Variants in CC2D2B observed in about 807,000 individuals in gnomAD.
CC2D2B encodes the protein protein CC2D2B.
A neutral mutation model predicts 161.2 loss-of-function variants in CC2D2B; 128 were observed. The observed-to-expected ratio is 0.79, with a 90% confidence interval of 0.69 to 0.92. The LOEUF is 0.92. CC2D2B is among the 40% of genes least tolerant of loss of function. CC2D2B has a pLI of 0.00. For missense variants in CC2D2B, 1,173 were observed against 1,375.1 expected (o/e 0.85, Z 2.32); for synonymous variants, 391 against 449.8 (o/e 0.87, Z 1.65).
chr10:95,919,828 G>C (rs2098523265), intron 2 of CC2D2B: 1 of 151,816 alleles, frequency 6.6e-6, no homozygotes, highest in Non-Finnish European at 1.5e-5. Context: ...TTAGGAATTT[G>C]TTTGGTGCTT....
intron 9 of CC2D2B, among the ~76,000 whole-genome samples, chr10:95,947,115 T>TATATATATATA (rs1564609188): frequency 5.3e-4 from 14 of 26,202 alleles, no homozygotes; most frequent in Admixed American, 1.4e-3. Context: ...ATATATATAT[T>TATATATATATA]TTTTTTTTTT....
intron 10 of CC2D2B, among the ~76,000 whole-genome samples, chr10:95,954,057 G>A (rs1172095602): frequency 6.6e-6 from 1 of 152,146 alleles, no homozygotes; most frequent in Non-Finnish European, 1.5e-5. Flanking sequence ...CATGGAAAAT[G>A]ATTGAGCAAT....
In CC2D2B at chr10:96,033,663, T is replaced by C. The variant is rs988283611; in HGVS notation, c.*1655T>C. Among the ~76,000 whole-genome samples the C allele has an allele frequency of 1.3e-5, 2 of 152,214 alleles. No individual in the cohort carries two copies. The highest frequency in any genetic ancestry group is 2.4e-5 in the African/African-American group (1 of 41,458). On this transcript the variant is annotated 3_prime_UTR_variant, in exon 35 of 35. Coordinates refer to ENST00000646931, the MANE Select transcript of CC2D2B (RefSeq NM_001349008.3). ...TTAAGAGTAGGGTAGCAAGTGTTCA[T>C]AGGAAAGCATGGAGGACCTTTTTAT...
chr10:95,927,965 C>G (rs749356701), intron 6 of CC2D2B, among the ~76,000 whole-genome samples: 2 of 152,102 alleles, frequency 1.3e-5, no homozygotes, highest in Admixed American at 6.6e-5. Flanking sequence ...TGTTCCTGGA[C>G]ACTTTCTTCA....
intron 19 of CC2D2B, among the ~76,000 whole-genome samples, chr10:95,987,422 T>C (rs1224827652): frequency 1.3e-5 from 2 of 152,204 alleles, no homozygotes; most frequent in African/African-American, 4.8e-5. Context: ...GGATTTCTTA[T>C]GGATAATTAG....
intron 6 of CC2D2B, among the ~76,000 whole-genome samples, chr10:95,930,018 T>C (rs1466217730): frequency 1.3e-5 from 2 of 152,254 alleles, no homozygotes; most frequent in African/African-American, 2.4e-5. Flanking sequence ...TGATTCTTCC[T>C]ATCCATGAGC....
chr10:95,983,799 T>C lies in CC2D2B; in HGVS notation c.2276T>C (p.Leu759Ser). The C allele has an allele frequency of 8.2e-7, 1 of 1,223,260 alleles. No homozygotes were observed. 75.8% of individuals were successfully genotyped at this position (1,223,260 alleles called of 1,614,324 possible). ...CTCCATGATACAGAGATTCCAGATT[T>C]AGTCTTCCAGGTATTTGGTTTCTAT... ...MPLHDTEIPD[L>S]VFQEYESQKE... The change falls in exon 19 of 35, where the codon TTA (leucine) becomes TCA (serine). Residue 759 changes from leucine to serine, a missense_variant. Leu to Ser is a moderately radical substitution (Grantham distance 145). This residue lies in a region of CC2D2B where 277 missense variants were observed against 420.6 expected (regional missense o/e 0.66). Coordinates refer to ENST00000646931, the MANE Select transcript of CC2D2B (RefSeq NM_001349008.3).
At chr10:96,016,096 T>G in intron 29 of CC2D2B, 105 bp from the exon 30 acceptor site, 1 of 707,952 alleles carries the variant, frequency 1.4e-6, no homozygotes, top group Non-Finnish European at 2.4e-6. Flanking sequence ...TAAATGTGTT[T>G]GGAACTGGAG....
At chr10:95,954,147 A>G (rs1344027120) in intron 10 of CC2D2B, among the ~76,000 whole-genome samples, 4 of 152,188 alleles carry the variant, frequency 2.6e-5, no homozygotes, top group Non-Finnish European at 5.9e-5. Context: ...CCAAAATTAT[A>G]AAGACTTCCT....
At chr10:96,029,290 A>ATATATATATATATATATATATG (rs2079955896) in intron 34 of CC2D2B, among the ~76,000 whole-genome samples, 4 of 92,058 alleles carry the variant, frequency 4.3e-5, no homozygotes, top group East Asian at 9.9e-4. Flanking sequence ...ATATATGTAT[A>ATATATATATATATATATATATG]TATATATATA....
chr10:96,029,116 T>G (rs779428722), intron 34 of CC2D2B, among the ~76,000 whole-genome samples: 1 of 151,164 alleles, frequency 6.6e-6, no homozygotes, highest in Non-Finnish European at 1.5e-5. Flanking sequence ...TAACTAAAAG[T>G]GTATAATTGA....
intron 1 of CC2D2B, among the ~76,000 whole-genome samples, chr10:95,908,648 T>C (rs1393750951): frequency 6.6e-6 from 1 of 152,162 alleles, no homozygotes; most frequent in Middle Eastern, 3.4e-3. Context: ...TCACTGCGGC[T>C]TAGATGGGGA....
chr10:96,024,807 A>C lies in CC2D2B; in HGVS notation c.3889-46A>C, dbSNP rs1443998409. The C allele has an allele frequency of 2.2e-5, 26 of 1,161,114 alleles. No homozygotes were observed. In the East Asian group the frequency reaches 6.6e-4, roughly 30 times the overall value. 71.9% of individuals were successfully genotyped at this position (1,161,114 alleles called of 1,614,324 possible). ...GGCATTCCAGGAGTGACTGTGATGT[A>C]AACATGGTCTCTAGAATCTATTCTA... On this transcript the variant is annotated intron_variant, in intron 32 of 34. Transcript: ENST00000646931.
chr10:96,011,732 TACACACACGCACACACACATACACACAC>T (rs768826269), intron 26 of CC2D2B, among the ~76,000 whole-genome samples: 5 of 138,586 alleles, frequency 3.6e-5, no homozygotes, highest in Non-Finnish European at 6.3e-5. Context: ...ATTTACCTCT[TACACACACGCACACACACATACACACAC>T]ACACACACAC....
rs138231459 is a variant in CC2D2B, at chr10:95,975,059, G to C, written c.1943+903G>C. On this transcript the variant is annotated intron_variant, in intron 17 of 34. Transcript: ENST00000646931. Reference sequence around the variant, plus strand: ...TAAAAAAAGGTACCACTCCAGCGAGGGATGTTAACAGCTGGGGAGGCTGTG... The same window carrying C: ...TAAAAAAAGGTACCACTCCAGCGAGCGATGTTAACAGCTGGGGAGGCTGTG... Among the ~76,000 whole-genome samples, 74 of 152,322 alleles carry C rather than the reference G, an allele frequency of 4.9e-4. 1 individual carries two copies. Among genetic ancestry groups the C allele is most frequent in the African/African-American group, 1.5e-3 (63 of 41,570 alleles).
chr10:95,999,975 T>A, intron 24 of CC2D2B: 6 of 782,052 alleles, frequency 7.7e-6, no homozygotes, highest in South Asian at 6.1e-5. Flanking sequence ...ATGTGCTCAA[T>A]ACACACATTA....
rs138752274 is a variant in CC2D2B at position 96,007,175 on chromosome 10, C to A, written c.2947-2650C>A. 1.2e-3 allele frequency among the ~76,000 whole-genome samples: 181 copies of A among 152,222 alleles called. 1 individual carries two copies. Among genetic ancestry groups the A allele is most frequent in the African/African-American group, 4.2e-3 (174 of 41,550 alleles). ...TATTTTTCCTGATCCTTTCCCACCT[C>A]CCACCCTCCACACTCCAATAGGCCC... On this transcript the variant is annotated intron_variant, in intron 25 of 34. Coordinates refer to ENST00000646931, the MANE Select transcript of CC2D2B (RefSeq NM_001349008.3).
At chr10:96,006,951 C>T (rs921103218) in intron 25 of CC2D2B, among the ~76,000 whole-genome samples, 3 of 152,116 alleles carry the variant, frequency 2.0e-5, no homozygotes, top group African/African-American at 4.8e-5. Context: ...ATATATAATT[C>T]GTATTGTTGA....
intron 24 of CC2D2B, among the ~76,000 whole-genome samples, chr10:96,003,750 C>T (rs370191076): frequency 1.3e-5 from 2 of 152,122 alleles, no homozygotes; most frequent in African/African-American, 2.4e-5. Flanking sequence ...GCCACCATGC[C>T]GGGCCGTAAA....
Sources: gnomAD v4.1 joint callset for allele counts (sites outside exome capture counted in the v4.1 genomes callset) on GRCh38, gnomAD v4.1.1 for gene constraint, gnomAD v4.1.1 regional missense constraint, MANE v1.5 for transcripts, NCBI Gene and HGNC (gene_info 2026-07-23, HGNC 2026-07-21) for gene names.